Variants in PRKCE observed in about 807,000 individuals in gnomAD.
The protein encoded by PRKCE is protein kinase C epsilon, also known as protein kinase C epsilon type.
Under a neutral mutation model 85.4 loss-of-function variants are expected in PRKCE, and 16 were observed. The observed-to-expected ratio is 0.19, with a 90% CI of 0.13 to 0.28. The LOEUF is 0.28. Ranked by LOEUF, PRKCE falls within the 10% of genes least tolerant of loss-of-function variation. The pLI, the probability that PRKCE is intolerant of heterozygous loss-of-function variation, is 1.00. For synonymous variants in PRKCE, 388 were observed against 371.5 expected, an observed-to-expected ratio of 1.04 and a Z score of -0.51; for missense variants, 573 against 975.2, an observed-to-expected ratio of 0.59 and a Z score of 5.49.
At chr2:46,084,313 A>G (rs148105110) in intron 10 of PRKCE, among the ~76,000 whole-genome samples, 153 of 152,346 alleles carry the variant, frequency 1.0e-3, no homozygotes, top group African/African-American at 3.6e-3. Context: ...AGAGATGTCA[A>G]TAGTAAGATA....
intron 14 of PRKCE, among the ~76,000 whole-genome samples, chr2:46,164,427 T>C (rs897243380): frequency 1.3e-5 from 2 of 152,230 alleles, no homozygotes; most frequent in Non-Finnish European, 2.9e-5. Context: ...CTCAGTCAAG[T>C]GCCTGAAGCC....
intron 11 of PRKCE, among the ~76,000 whole-genome samples, chr2:46,126,469 T>C (rs1393454028): frequency 6.6e-6 from 1 of 152,096 alleles, no homozygotes. Flanking sequence ...CCATGAATTC[T>C]TCTTACAGAA....
intron 1 of PRKCE, among the ~76,000 whole-genome samples, chr2:45,777,101 C>T (rs1192054262): frequency 6.6e-6 from 1 of 152,040 alleles, no homozygotes; most frequent in Non-Finnish European, 1.5e-5. Flanking sequence ...AATTACAGTC[C>T]ACAATTAATA....
chr2:45,689,612 T>A (rs1677569421), intron 1 of PRKCE, among the ~76,000 whole-genome samples: 1 of 151,826 alleles, frequency 6.6e-6, no homozygotes, highest in Admixed American at 6.6e-5. Flanking sequence ...AGTAAATGCT[T>A]AAAAGTTTGT....
At chr2:45,881,256 G>A (rs1226788157) in intron 2 of PRKCE, among the ~76,000 whole-genome samples, 1 of 152,026 alleles carries the variant, frequency 6.6e-6, no homozygotes, top group Non-Finnish European at 1.5e-5. Flanking sequence ...TCTGTCTGGA[G>A]AAGCAGAGCC....
intron 1 of PRKCE, among the ~76,000 whole-genome samples, chr2:45,741,381 A>G (rs980172206): frequency 6.6e-6 from 1 of 152,236 alleles, no homozygotes; most frequent in South Asian, 2.1e-4. Context: ...AAAGTTGCAT[A>G]AAACACCCTG....
chr2:45,891,946 A>G (rs1261272920), intron 2 of PRKCE, among the ~76,000 whole-genome samples: 1 of 152,220 alleles, frequency 6.6e-6, no homozygotes, highest in East Asian at 1.9e-4. Context: ...GTGCTGCCGC[A>G]GCATTCCTGT....
intron 1 of PRKCE, among the ~76,000 whole-genome samples, chr2:45,825,471 A>G (rs1689868257): frequency 6.6e-6 from 1 of 152,238 alleles, no homozygotes; most frequent in Non-Finnish European, 1.5e-5. Flanking sequence ...TGCCAACTTG[A>G]AACATTAGTT....
chr2:46,023,811 G>A (rs1350192716), intron 10 of PRKCE, among the ~76,000 whole-genome samples: 3 of 152,232 alleles, frequency 2.0e-5, no homozygotes, highest in East Asian at 1.9e-4. Context: ...CCTGAAAGGA[G>A]AGAGGGGCCA....
intron 5 of PRKCE, among the ~76,000 whole-genome samples, chr2:45,981,409 C>T (rs1206114487): frequency 6.6e-6 from 1 of 152,168 alleles, no homozygotes; most frequent in African/African-American, 2.4e-5. Flanking sequence ...GAGACTTCTA[C>T]CTGCTTCTTA....
At chr2:45,946,498 G>A (rs1262094103) in intron 2 of PRKCE, among the ~76,000 whole-genome samples, 1 of 152,190 alleles carries the variant, frequency 6.6e-6, no homozygotes, top group Non-Finnish European at 1.5e-5. Context: ...AAACAGAACT[G>A]TCTAATCCCA....
At chr2:46,112,198 A>G (rs2104236110) in intron 11 of PRKCE, among the ~76,000 whole-genome samples, 1 of 152,310 alleles carries the variant, frequency 6.6e-6, no homozygotes, top group East Asian at 1.9e-4. Context: ...GTCTGAAGCT[A>G]ATATAGGCAC....
At chr2:46,038,173 A>G (rs1707993188) in intron 10 of PRKCE, among the ~76,000 whole-genome samples, 1 of 152,114 alleles carries the variant, frequency 6.6e-6, no homozygotes, top group Non-Finnish European at 1.5e-5. Context: ...TAGTCTTGGT[A>G]TAATTTTAAG....
intron 2 of PRKCE, among the ~76,000 whole-genome samples, chr2:45,864,424 AG>A (rs1438482566): frequency 2.0e-5 from 3 of 152,232 alleles, no homozygotes; most frequent in Non-Finnish European, 4.4e-5. Context: ...CAACATTTTT[AG>A]GAACAATAGA....
At chr2:45,748,884 A>T (rs1280166167) in intron 1 of PRKCE, among the ~76,000 whole-genome samples, 1 of 128,874 alleles carries the variant, frequency 7.8e-6, no homozygotes, top group Admixed American at 7.9e-5. Context: ...ACAGAGAGGG[A>T]ACAGGATTTT....
chr2:45,959,045 CTAAT>C (rs2104405309), intron 2 of PRKCE, among the ~76,000 whole-genome samples: 1 of 151,274 alleles, frequency 6.6e-6, no homozygotes, highest in South Asian at 2.1e-4. Flanking sequence ...TGGTTAATGA[CTAAT>C]TAAGTTGCGG....
intron 10 of PRKCE, among the ~76,000 whole-genome samples, chr2:46,085,194 G>A (rs1323389858): frequency 1.3e-5 from 2 of 152,130 alleles, no homozygotes; most frequent in Non-Finnish European, 2.9e-5. Context: ...TGGATTGCAG[G>A]TAAGAGGGGG....
At chr2:45,994,496 A>T (rs958781562) in intron 6 of PRKCE, among the ~76,000 whole-genome samples, 1 of 152,114 alleles carries the variant, frequency 6.6e-6, no homozygotes, top group Non-Finnish European at 1.5e-5. Context: ...TACCATTTTC[A>T]TAGTTTTACC....
At chr2:45,982,613 C>T (rs1246536709) in intron 5 of PRKCE, among the ~76,000 whole-genome samples, 1 of 152,150 alleles carries the variant, frequency 6.6e-6, no homozygotes, top group Non-Finnish European at 1.5e-5. Flanking sequence ...CTCTCTGTGA[C>T]TCTCACTCAC....
Sources: gnomAD v4.1 joint callset for allele counts (sites outside exome capture counted in the v4.1 genomes callset) on GRCh38, gnomAD v4.1.1 for gene constraint, MANE v1.5 for transcripts, NCBI Gene and HGNC (gene_info 2026-07-23, HGNC 2026-07-21) for gene names.